Variants in PIEZO2 observed in about 807,000 individuals in gnomAD.
The protein encoded by PIEZO2 is piezo-type mechanosensitive ion channel component 2.
In PIEZO2, 172 loss-of-function variants were observed where a neutral mutation model predicts 337.3. That is an observed-to-expected ratio of 0.51 (90% CI 0.45 to 0.58). The LOEUF is 0.58. PIEZO2 is among the 20% of genes least tolerant of loss of function. PIEZO2 has a pLI of 0.00. For synonymous variants in PIEZO2, 1,251 were observed against 1,228.5 expected (o/e 1.02, Z -0.38); for missense variants, 3,028 against 3,391.3 (o/e 0.89, Z 2.66).
At chr18:10,695,839 C>T (rs1567957007) in intron 47 of PIEZO2, among the ~76,000 whole-genome samples, 1 of 152,144 alleles carries the variant, frequency 6.6e-6, no homozygotes, top group African/African-American at 2.4e-5. Flanking sequence ...TTTATAGAAA[C>T]CTTATTTCTA....
rs1335842929 is a variant in PIEZO2, at chr18:10,769,913, A to G, written c.2946+235T>C. The stretch of plus-strand genomic sequence containing the variant: ...CACTCTTCCCTAAGGATTCGATGAA[A>G]ATAAGTAGCCTTTGTAATATGACCA... On this transcript the variant is annotated intron_variant, in intron 21 of 55. Coordinates refer to ENST00000674853, the MANE Select transcript of PIEZO2 (RefSeq NM_001378183.1). The G allele has an allele frequency of 1.2e-5, 5 of 421,840 alleles. No homozygotes were observed. The East Asian group carries it at 1.5e-4, about 13-fold the overall frequency. The allele number at this position is 421,840 out of a possible 1,614,324, so 26.1% of individuals were successfully genotyped here.
chr18:11,090,487 A>G (rs1174896346), intron 1 of PIEZO2, among the ~76,000 whole-genome samples: 1 of 152,202 alleles, frequency 6.6e-6, no homozygotes, highest in African/African-American at 2.4e-5. Flanking sequence ...CAGACTGACC[A>G]AATGCTATGG....
At chr18:10,799,169 T>A (rs17566904) in intron 11 of PIEZO2, among the ~76,000 whole-genome samples, 46,384 of 152,144 alleles carry the variant, frequency 0.3, 7,607 homozygotes, top group Middle Eastern at 0.41. Flanking sequence ...CCTTGGAGTA[T>A]GTGTGATGTA....
At position 10,790,224 on chromosome 18, in the gene PIEZO2, G is replaced by A. The variant is rs149428380; in HGVS notation, c.1883-859C>T. Among the ~76,000 whole-genome samples the A allele has an allele frequency of 2.1e-3, 324 of 152,308 alleles. 1 individual carries two copies. Among genetic ancestry groups the A allele is most frequent in the Admixed American group, 0.019 (295 of 15,294 alleles). ...TTTTGTTACTGAAAAACAACTCATT[G>A]TTTAGGTCCAAATAAGAAACTAAAC... On this transcript the variant is annotated intron_variant, in intron 14 of 55. Transcript: ENST00000674853.
chr18:10,910,842 G>T (rs1220421321), intron 4 of PIEZO2, among the ~76,000 whole-genome samples: 1 of 151,916 alleles, frequency 6.6e-6, no homozygotes, highest in African/African-American at 2.4e-5. Flanking sequence ...CTGTAGAATT[G>T]GTTATGACAT....
At chr18:11,085,775 A>G (rs192430170) in intron 1 of PIEZO2, among the ~76,000 whole-genome samples, 2 of 151,670 alleles carry the variant, frequency 1.3e-5, no homozygotes, top group Non-Finnish European at 2.9e-5. Context: ...TAGAAAAAAA[A>G]TTTTTTTTAA....
rs374176187 is a variant in PIEZO2, at chr18:10,819,653, C to T, written c.918-12379G>A. 2.0e-5 allele frequency among the ~76,000 whole-genome samples: 3 copies of T among 152,308 alleles called. No individual in the cohort carries two copies. The East Asian group carries it at 5.8e-4, about 29-fold the overall frequency. On this transcript the variant is annotated intron_variant, in intron 7 of 55. Coordinates refer to ENST00000674853, the MANE Select transcript of PIEZO2 (RefSeq NM_001378183.1). This position sits in a 1 kb window ranked among gnomAD's most constrained non-coding sequence, Gnocchi z 4.3. ...GTTCTCAATGCATCATCGGTGTTCACCTTCATGCTTGTTCTCTCACGGTCG... is the reference window on the plus strand; with the variant it reads ...GTTCTCAATGCATCATCGGTGTTCATCTTCATGCTTGTTCTCTCACGGTCG...
intron 3 of PIEZO2, among the ~76,000 whole-genome samples, chr18:10,971,550 C>G (rs954181210): frequency 1.3e-5 from 2 of 152,088 alleles, no homozygotes; most frequent in Non-Finnish European, 2.9e-5. Flanking sequence ...TGAATGCACA[C>G]CCAGCTCCTC....
intron 43 of PIEZO2, among the ~76,000 whole-genome samples, chr18:10,701,277 C>T (rs372702383): frequency 6.6e-6 from 1 of 152,126 alleles, no homozygotes; most frequent in Non-Finnish European, 1.5e-5. Context: ...AATTAAATGG[C>T]GTATTTACAA....
At chr18:10,885,649 C>A (rs1277032193) in intron 4 of PIEZO2, among the ~76,000 whole-genome samples, 1 of 152,102 alleles carries the variant, frequency 6.6e-6, no homozygotes, top group Non-Finnish European at 1.5e-5. Flanking sequence ...TCATTGGGAA[C>A]CTTGACTGTT....
chr18:10,874,243 A>G (rs1185831361), intron 4 of PIEZO2, among the ~76,000 whole-genome samples: 1 of 152,174 alleles, frequency 6.6e-6, no homozygotes, highest in Non-Finnish European at 1.5e-5. Flanking sequence ...CATCAAGGAA[A>G]TGCAAATCAA....
intron 17 of PIEZO2, among the ~76,000 whole-genome samples, chr18:10,782,428 A>AATAATTATATAATATATT (rs1243025837): frequency 7.1e-4 from 41 of 57,402 alleles, no homozygotes; most frequent in African/African-American, 2.1e-3. Flanking sequence ...ATTATATATA[A>AATAATTATATAATATATT]ATAATTATAT....
chr18:10,734,815 G>A (rs887252406), intron 35 of PIEZO2, among the ~76,000 whole-genome samples: 21 of 152,202 alleles, frequency 1.4e-4, no homozygotes, highest in African/African-American at 4.6e-4. Context: ...AATGAGAGAC[G>A]GAGTAAAAGA....
intron 4 of PIEZO2, among the ~76,000 whole-genome samples, chr18:10,886,499 C>CATATATAT: frequency 1.4e-5 from 1 of 69,496 alleles, no homozygotes; most frequent in African/African-American, 7.4e-5. Context: ...TATATATATA[C>CATATATAT]GCATATACAC....
At chr18:11,036,495 T>C (rs1489067149) in intron 2 of PIEZO2, among the ~76,000 whole-genome samples, 17 of 152,192 alleles carry the variant, frequency 1.1e-4, no homozygotes, top group African/African-American at 3.9e-4. Flanking sequence ...TTTATTCGTA[T>C]GCTGTGCTCT....
At chr18:10,977,001 A>ATGTGTGTGTGTG (rs59666101) in intron 3 of PIEZO2, among the ~76,000 whole-genome samples, 9,096 of 142,740 alleles carry the variant, frequency 0.064, 342 homozygotes, top group Non-Finnish European at 0.068. Flanking sequence ...AAGAACAAAT[A>ATGTGTGTGTGTG]TGTGTGTGTG....
chr18:10,712,905 T>A (rs1035914345), intron 39 of PIEZO2, among the ~76,000 whole-genome samples: 4 of 152,190 alleles, frequency 2.6e-5, no homozygotes, highest in African/African-American at 9.6e-5. Flanking sequence ...GTTTCTTCTT[T>A]CCATAAAAAT....
intron 1 of PIEZO2, among the ~76,000 whole-genome samples, chr18:11,068,113 G>A (rs1378442126): frequency 2.0e-5 from 3 of 152,058 alleles, no homozygotes; most frequent in African/African-American, 7.2e-5. Context: ...GTGGAGATGG[G>A]GTTTCACTGT....
At chr18:11,063,637 G>A (rs190452033) in intron 2 of PIEZO2, among the ~76,000 whole-genome samples, 33 of 152,312 alleles carry the variant, frequency 2.2e-4, no homozygotes, top group African/African-American at 7.7e-4. Flanking sequence ...TTCCAGTTCA[G>A]GTGGGGTCTG....
Sources: allele counts gnomAD v4.1 joint callset (sites outside exome capture counted in the v4.1 genomes callset), GRCh38; gene constraint gnomAD v4.1.1; non-coding constraint Gnocchi (gnomAD v3.1); transcripts MANE v1.5; gene names NCBI Gene and HGNC (gene_info 2026-07-23, HGNC 2026-07-21).